ABCD2: variants seen among roughly 807,000 people sequenced by gnomAD.
ABCD2 encodes the protein ATP-binding cassette sub-family D member 2.
In ABCD2, 36 loss-of-function variants were observed where a neutral mutation model predicts 70.9. The ratio of observed to expected loss-of-function variants is 0.51; its 90% CI spans 0.39 to 0.67. ABCD2 has a LOEUF of 0.67. Ranked by LOEUF, ABCD2 falls within the 30% of genes least tolerant of loss-of-function variation. The pLI is 0.00. For synonymous variants in ABCD2, 304 were observed against 306.9 expected (o/e 0.99, Z 0.10); for missense variants, 729 against 890.2 (o/e 0.82, Z 2.30).
chr12:39,579,195 C>G (rs978266655), intron 8 of ABCD2, among the ~76,000 whole-genome samples: 1 of 152,130 alleles, frequency 6.6e-6, no homozygotes, highest in Non-Finnish European at 1.5e-5. Flanking sequence ...AACCCCGTCT[C>G]TACTAAAAAC....
At chr12:39,543,407 C>G in the ABCD2 span, among the ~76,000 whole-genome samples, 234 of 152,124 alleles carry the variant, frequency 1.5e-3, no homozygotes, top group Non-Finnish European at 1.9e-3. Context: ...ATTTCCTTAT[C>G]TTTCTATTTA....
chr12:39,607,940 G>C (rs1406178325), intron 2 of ABCD2, among the ~76,000 whole-genome samples: 1 of 152,084 alleles, frequency 6.6e-6, no homozygotes. Flanking sequence ...GGCCTGGGTG[G>C]GCGGATCACT....
chr12:39,600,587 A>T lies in ABCD2; in HGVS notation c.1630T>A (p.Phe544Ile). 6.9e-6 allele frequency: 11 copies of T among 1,599,878 alleles called. No homozygotes were observed. Among genetic ancestry groups the T allele is most frequent in the Non-Finnish European group, 9.4e-6 (11 of 1,174,886 alleles). ...VLYKPPPQHM[F>I]YIPQRPYMSL... ...TATACCTACCTTTGTGGAATATAAA[A>T]CATATGTTGAGGAGGTGGTTTATAG... is the stretch of plus-strand genomic sequence containing the variant. Residue 544 changes from phenylalanine to isoleucine, a missense_variant, in exon 6 of 10, where the codon TTT (phenylalanine) becomes ATT (isoleucine). Transcript: ENST00000308666.
At chr12:39,560,735 A>G (rs1228911366) in intron 9 of ABCD2, among the ~76,000 whole-genome samples, 2 of 151,406 alleles carry the variant, frequency 1.3e-5, no homozygotes, top group African/African-American at 2.5e-5. Context: ...CTTTTTTGCA[A>G]TTAAATTAAA....
chr12:39,557,825 G>C (rs1328847936), intron 9 of ABCD2, among the ~76,000 whole-genome samples: 1 of 152,204 alleles, frequency 6.6e-6, no homozygotes, highest in Non-Finnish European at 1.5e-5. Flanking sequence ...GCTCTGCCTA[G>C]ATTTCAGAGG....
chr12:39,577,861 C>T (rs915332258), intron 8 of ABCD2, among the ~76,000 whole-genome samples: 9 of 152,004 alleles, frequency 5.9e-5, no homozygotes, highest in African/African-American at 1.9e-4. Context: ...AAACATTAGA[C>T]TTGTTAAATC....
In ABCD2 at chr12:39,611,162, A is replaced by G. The variant is rs978850780; in HGVS notation, c.1121-3448T>C. On this transcript the variant is annotated intron_variant, in intron 2 of 9. Coordinates refer to ENST00000308666, the MANE Select transcript of ABCD2 (RefSeq NM_005164.4). ...GGGGAAGAATTTTAAACTTAAGGTT[A>G]TGCCTTATATATTTACCATAACCCT... 2.6e-4 allele frequency among the ~76,000 whole-genome samples: 39 copies of G among 152,184 alleles called. 1 individual carries two copies. Among genetic ancestry groups the G allele is most frequent in the Non-Finnish European group, 4.6e-4 (31 of 68,018 alleles).
intron 2 of ABCD2, among the ~76,000 whole-genome samples, chr12:39,611,321 G>C (rs745326385): frequency 6.6e-6 from 1 of 151,998 alleles, no homozygotes; most frequent in Non-Finnish European, 1.5e-5. Context: ...GGAAACTATG[G>C]GGGGAGAGGG....
intron 4 of ABCD2, among the ~76,000 whole-genome samples, chr12:39,604,461 G>A (rs1400970852): frequency 6.6e-6 from 1 of 151,998 alleles, no homozygotes; most frequent in African/African-American, 2.4e-5. Flanking sequence ...CATGACATTA[G>A]CTCGAATTCT....
intron 6 of ABCD2, among the ~76,000 whole-genome samples, chr12:39,594,711 C>G (rs901778357): frequency 6.6e-6 from 1 of 152,170 alleles, no homozygotes; most frequent in Admixed American, 6.5e-5. Context: ...GAGTGGCTCA[C>G]GTGTTTAATC....
At chr12:39,601,506 A>G (rs1313163023) in intron 5 of ABCD2, among the ~76,000 whole-genome samples, 2 of 152,022 alleles carry the variant, frequency 1.3e-5, no homozygotes, top group African/African-American at 2.4e-5. Context: ...ATGAGTTCCT[A>G]TTCCACACAA....
chr12:39,602,864 C>A (rs1409154443), intron 5 of ABCD2, among the ~76,000 whole-genome samples: 1 of 151,998 alleles, frequency 6.6e-6, no homozygotes, highest in Non-Finnish European at 1.5e-5. Flanking sequence ...GACCAAAACA[C>A]CCTCTCTATA....
intron 1 of ABCD2, among the ~76,000 whole-genome samples, chr12:39,617,448 T>C (rs1177526259): frequency 1.3e-5 from 2 of 152,078 alleles, no homozygotes; most frequent in African/African-American, 4.8e-5. Flanking sequence ...ATATGAGACA[T>C]GAATAAACAA....
chr12:39,566,393 C>T (rs1941348253), intron 9 of ABCD2, among the ~76,000 whole-genome samples: 1 of 152,160 alleles, frequency 6.6e-6, no homozygotes, highest in Non-Finnish European at 1.5e-5. Flanking sequence ...TCCATTTCTT[C>T]TAGATTTTCT....
intron 7 of ABCD2, among the ~76,000 whole-genome samples, chr12:39,582,640 A>G (rs1421043156): frequency 1.3e-5 from 2 of 152,210 alleles, no homozygotes; most frequent in Non-Finnish European, 2.9e-5. Flanking sequence ...AACTCCAAGG[A>G]GTTGACCACA....
rs1384603353 is a variant in ABCD2, at chr12:39,553,302, T to G, written c.*610A>C. 2 of 152,110 alleles carry G rather than the reference T, an allele frequency of 1.3e-5. No homozygotes were observed. Among genetic ancestry groups the G allele is most frequent in the Non-Finnish European group, 2.9e-5 (2 of 67,928 alleles). The allele number at this position is 152,110 out of a possible 1,614,324, so 9.4% of individuals were successfully genotyped here. ...AATTTGTTATATGCCCTCATTAAGA[T>G]GCTTAAAGTCCAAAATTTAAAAATA... On this transcript the variant is annotated 3_prime_UTR_variant, in exon 10 of 10. Transcript: ENST00000308666.
intron 9 of ABCD2, among the ~76,000 whole-genome samples, chr12:39,563,111 T>A (rs1941285403): frequency 6.6e-6 from 1 of 152,182 alleles, no homozygotes; most frequent in East Asian, 1.9e-4. Context: ...AAATTGAACA[T>A]CCTTTTATGC....
chr12:39,618,531 A>G (rs1270015834), intron 1 of ABCD2, 146 bp downstream of exon 1: 11 of 693,106 alleles, frequency 1.6e-5, no homozygotes, highest in African/African-American at 3.6e-5. Flanking sequence ...GTAATGAAGC[A>G]TATATTTTAA....
intron 8 of ABCD2, among the ~76,000 whole-genome samples, chr12:39,577,716 T>C (rs1383971913): frequency 1.3e-5 from 2 of 152,174 alleles, no homozygotes; most frequent in African/African-American, 4.8e-5. Context: ...TTGTGACAAG[T>C]TATTATGTAA....
Sources: allele counts gnomAD v4.1 joint callset (sites outside exome capture counted in the v4.1 genomes callset), GRCh38; gene constraint gnomAD v4.1.1; transcripts MANE v1.5; gene names NCBI Gene and HGNC (gene_info 2026-07-23, HGNC 2026-07-21).